Variants in PLEKHA5 observed in about 807,000 individuals in gnomAD.
PLEKHA5 encodes the protein pleckstrin homology domain-containing family A member 5.
In PLEKHA5, 55 loss-of-function variants were observed where a neutral mutation model predicts 181.9. That is an observed-to-expected ratio of 0.30 (90% CI 0.24 to 0.38). PLEKHA5 has a LOEUF of 0.38. Among genes scored for constraint, PLEKHA5 ranks in the 10% least tolerant of loss-of-function variants. The pLI is 1.00. For missense variants in PLEKHA5, 1,432 were observed against 1,549.5 expected, an observed-to-expected ratio of 0.92 and a Z score of 1.27; for synonymous variants, 535 against 529.4, an observed-to-expected ratio of 1.01 and a Z score of -0.15.
chr12:19,320,656 C>T (rs765728710), intron 18 of PLEKHA5, 32 bp downstream of exon 18: 1 of 1,000,432 alleles, frequency 1.0e-6, no homozygotes, highest in Admixed American at 2.2e-5. Context: ...GTGGTCAGTA[C>T]TCTGTCGTAT....
At chr12:19,220,759 T>C (rs1047385949) in intron 3 of PLEKHA5, among the ~76,000 whole-genome samples, 1 of 152,184 alleles carries the variant, frequency 6.6e-6, no homozygotes, top group African/African-American at 2.4e-5. Flanking sequence ...TAGCAAATTA[T>C]GTGAATTTTA....
At chr12:19,344,630 A>G (rs2094185337) in intron 22 of PLEKHA5, among the ~76,000 whole-genome samples, 1 of 152,188 alleles carries the variant, frequency 6.6e-6, no homozygotes, top group Non-Finnish European at 1.5e-5. Flanking sequence ...CATGTTTTCC[A>G]TTTGGATAAC....
At chr12:19,306,952 C>A in intron 15 of PLEKHA5, 1 of 1,143,050 alleles carries the variant, frequency 8.7e-7, no homozygotes, top group Non-Finnish European at 1.3e-6. Flanking sequence ...TGGGCTCCTG[C>A]CTACTCCTAA....
intron 23 of PLEKHA5, 46 bp downstream of exon 23, chr12:19,345,934 A>C: frequency 1.1e-6 from 1 of 897,384 alleles, no homozygotes; most frequent in Non-Finnish European, 1.8e-6. Flanking sequence ...TTTAATGCTT[A>C]AGAGATGAAT....
At chr12:19,280,033 C>G (rs1350180362) in intron 11 of PLEKHA5, among the ~76,000 whole-genome samples, 1 of 135,144 alleles carries the variant, frequency 7.4e-6, no homozygotes, top group Non-Finnish European at 1.5e-5. Context: ...CACAATGAAA[C>G]CTGTTTTTTT....
chr12:19,316,109 C>T (rs542841624), intron 16 of PLEKHA5, among the ~76,000 whole-genome samples: 32 of 151,364 alleles, frequency 2.1e-4, no homozygotes, highest in Non-Finnish European at 3.7e-4. Flanking sequence ...AGTATTATTC[C>T]GAATAAGTAT....
chr12:19,280,735 CTTT>C (rs538185835), intron 11 of PLEKHA5, among the ~76,000 whole-genome samples: 3 of 143,042 alleles, frequency 2.1e-5, no homozygotes, highest in Non-Finnish European at 1.5e-5. Flanking sequence ...TTTTCTTTTT[CTTT>C]TTTTTTTTTT....
At chr12:19,329,590 A>G (rs865804038) in intron 20 of PLEKHA5, among the ~76,000 whole-genome samples, 15 of 151,906 alleles carry the variant, frequency 9.9e-5, no homozygotes, top group Non-Finnish European at 1.6e-4. Flanking sequence ...GAATTTATCT[A>G]TTTCATCTAG....
At position 19,356,174 on chromosome 12, in the gene PLEKHA5, C is replaced by CA. The variant is rs976280649; in HGVS notation, c.3139-2045dup. On this transcript the variant is annotated intron_variant, in intron 26 of 31. Transcript: ENST00000429027. ...AGTGAGACTCTGTCTCAAAAAAAAA[C>CA]AAAAAAAAACAACACACACACAAAT... Among the ~76,000 whole-genome samples, 20 of 144,942 alleles carry CA rather than the reference C, an allele frequency of 1.4e-4. No individual in the cohort carries two copies. In the East Asian group the frequency reaches 1.6e-3, roughly 12 times the overall value.
chr12:19,214,172 G>A (rs2057493441), intron 3 of PLEKHA5, among the ~76,000 whole-genome samples: 1 of 152,156 alleles, frequency 6.6e-6, no homozygotes, highest in Non-Finnish European at 1.5e-5. Context: ...TGCTAATTCA[G>A]CAGAGCAGAC....
Position 19,274,913 on chromosome 12 carries a change from A to C in PLEKHA5, c.1243A>C (p.Asn415His), listed in dbSNP as rs776086710. The C allele has an allele frequency of 6.2e-7, 1 of 1,613,794 alleles. No individual in the cohort carries two copies. The highest frequency in any genetic ancestry group is 8.5e-7 in the Non-Finnish European group (1 of 1,180,022). ...TEADRVIQRT[N>H]SMQQLEQWIK... ...GGCCGATCGAGTCATACAGAGAACA[A>C]ATTCAATGCAGCAGTTGGAACAGTG... Residue 415 changes from asparagine to histidine, a missense_variant, in exon 11 of 32, where the codon AAT (asparagine) becomes CAT (histidine). Physicochemically the swap from Asn to His is moderately conservative, Grantham distance 68. This residue lies in a region of PLEKHA5 where 1,143 missense variants were observed against 1,168.4 expected (regional missense o/e 0.98). Coordinates refer to ENST00000429027, the MANE Select transcript of PLEKHA5 (RefSeq NM_001256470.2).
Position 19,284,421 on chromosome 12 carries a change from A to G in PLEKHA5, c.1779+676A>G, listed in dbSNP as rs112337392. 3.5e-3 allele frequency among the ~76,000 whole-genome samples: 535 copies of G among 152,212 alleles called. 1 individual carries two copies. The highest frequency in any genetic ancestry group is 0.012 in the African/African-American group (507 of 41,530). ...TTACACACTTGGAAATTCTACACCT[A>G]CTGTCTTCTGGCATACCTGAAATTT... On this transcript the variant is annotated intron_variant, in intron 12 of 31. Coordinates refer to ENST00000429027, the MANE Select transcript of PLEKHA5 (RefSeq NM_001256470.2).
intron 3 of PLEKHA5, among the ~76,000 whole-genome samples, chr12:19,235,482 T>G (rs2061275514): frequency 6.6e-6 from 1 of 152,226 alleles, no homozygotes; most frequent in Non-Finnish European, 1.5e-5. Context: ...CAGTCAGCAT[T>G]TAATTAAACA....
intron 15 of PLEKHA5, among the ~76,000 whole-genome samples, chr12:19,309,081 G>T (rs1475862538): frequency 6.6e-6 from 1 of 151,910 alleles, no homozygotes; most frequent in African/African-American, 2.4e-5. Context: ...GAAAAAAAGA[G>T]AAAAGAAATA....
Position 19,265,869 on chromosome 12 carries a change from T to G in PLEKHA5, c.711+19T>G. 1 of 1,385,112 alleles carries G rather than the reference T, an allele frequency of 7.2e-7. No homozygotes were observed. Among genetic ancestry groups the G allele is most frequent in the South Asian group, 1.2e-5 (1 of 82,090 alleles). The allele number at this position is 1,385,112 out of a possible 1,614,324, so 85.8% of individuals were successfully genotyped here. A position where few individuals can be genotyped will look rare whatever the true frequency, so the allele number is the denominator to read the frequency against. On this transcript the variant is annotated intron_variant, in intron 8 of 31. Transcript: ENST00000429027. ...TTTTAAGGTAAGGAAATAATGCAGTTTTTAATTCTGTGTTCAAAACTTGCG... is the reference window on the plus strand; with the variant it reads ...TTTTAAGGTAAGGAAATAATGCAGTGTTTAATTCTGTGTTCAAAACTTGCG...
rs575889105 is a variant in PLEKHA5 at position 19,187,791 on chromosome 12, C to T, written c.227+55341C>T. Among the ~76,000 whole-genome samples, 149 of 152,020 alleles carry T rather than the reference C, an allele frequency of 9.8e-4. 1 individual carries two copies. The highest frequency in any genetic ancestry group is 1.4e-3 in the Non-Finnish European group (97 of 68,010). Reference sequence around the variant, plus strand: ...GTCTCTACCTTACTGAGGTGTAGAACCCATAAAGGTAACATACAAGAACAT... The same window carrying T: ...GTCTCTACCTTACTGAGGTGTAGAATCCATAAAGGTAACATACAAGAACAT... On this transcript the variant is annotated intron_variant, in intron 3 of 31. Coordinates refer to ENST00000429027, the MANE Select transcript of PLEKHA5 (RefSeq NM_001256470.2).
At position 19,320,615 on chromosome 12, in the gene PLEKHA5, A is replaced by G. The variant is rs146976787; in HGVS notation, c.2208A>G (p.Val736=). The change falls in exon 18 of 32, where the codon GTA becomes GTG. Residue 736 remains valine (V), a synonymous_variant. Coordinates refer to ENST00000429027, the MANE Select transcript of PLEKHA5 (RefSeq NM_001256470.2). ...TATACAAATACAGACCTGAAGAAGT[A>G]GATATTGATGTAAGTATTAGTATGA... The part of the protein sequence containing the change: ...GTLYKYRPEE[V]DIDAKLSRLC... 17 of 1,429,612 alleles carry G rather than the reference A, an allele frequency of 1.2e-5. No individual in the cohort carries two copies. The highest frequency in any genetic ancestry group is 1.7e-5 in the Non-Finnish European group (17 of 1,021,246). The allele number at this position is 1,429,612 out of a possible 1,614,324, so 88.6% of individuals were successfully genotyped here. A position where few individuals can be genotyped will look rare whatever the true frequency, so the allele number is the denominator to read the frequency against.
intron 3 of PLEKHA5, among the ~76,000 whole-genome samples, chr12:19,253,090 T>TTTTTTTTTTTTTTTTTTTTTTTG: frequency 8.0e-6 from 1 of 125,730 alleles, no homozygotes; most frequent in Non-Finnish European, 1.6e-5. Context: ...TTTTTTTTTT[T>TTTTTTTTTTTTTTTTTTTTTTTG]GGGAGACAGA....
intron 3 of PLEKHA5, among the ~76,000 whole-genome samples, chr12:19,167,448 G>T (rs2044733573): frequency 1.8e-5 from 2 of 111,946 alleles, no homozygotes; most frequent in Non-Finnish European, 3.4e-5. Flanking sequence ...TTGGAAGCAT[G>T]GTTGTGGGCA....
Sources: gnomAD v4.1 joint callset for allele counts (sites outside exome capture counted in the v4.1 genomes callset) on GRCh38, gnomAD v4.1.1 for gene constraint, gnomAD v4.1.1 regional missense constraint, MANE v1.5 for transcripts, NCBI Gene and HGNC (gene_info 2026-07-23, HGNC 2026-07-21) for gene names.